SLC60A2: variants seen among roughly 807,000 people sequenced by gnomAD.
SLC60A2 encodes the protein solute carrier family 60 member 2.
the SLC60A2 span, among the ~76,000 whole-genome samples, chr6:111,279,018 A>T: frequency 6.6e-6 from 1 of 152,226 alleles, no homozygotes; most frequent in Non-Finnish European, 1.5e-5. Flanking sequence ...ACTGATGCCC[A>T]GCATTTTAAC....
chr6:111,266,050 A>G, the SLC60A2 span: 1 of 1,614,214 alleles, frequency 6.2e-7, no homozygotes, highest in South Asian at 1.1e-5. Flanking sequence ...CCTGCACTCA[A>G]CCAATCATCT....
At chr6:111,265,860 C>A in the SLC60A2 span, 1 of 1,550,324 alleles carries the variant, frequency 6.5e-7, no homozygotes, top group Non-Finnish European at 8.7e-7. Context: ...TAATTTTTCC[C>A]ATCTTTCATC....
the SLC60A2 span, among the ~76,000 whole-genome samples, chr6:111,271,821 C>G: frequency 1.1e-3 from 63 of 56,038 alleles, no homozygotes; most frequent in African/African-American, 2.3e-3. Flanking sequence ...AAATAGTTAG[C>G]CAGGTGTGGT....
chr6:111,261,605 T>C, the SLC60A2 span, among the ~76,000 whole-genome samples: 1 of 152,142 alleles, frequency 6.6e-6, no homozygotes, highest in East Asian at 1.9e-4. Flanking sequence ...ATTAATTTAT[T>C]CTTTCTGAGA....
At chr6:111,267,382 T>C in the SLC60A2 span, 1 of 343,080 alleles carries the variant, frequency 2.9e-6, no homozygotes, top group Non-Finnish European at 5.3e-6. Flanking sequence ...TTTTATGGTC[T>C]CCACCCCTCA....
the SLC60A2 span, among the ~76,000 whole-genome samples, chr6:111,261,045 T>G: frequency 6.6e-6 from 1 of 152,348 alleles, no homozygotes; most frequent in South Asian, 2.1e-4. Context: ...TCCAATGAAT[T>G]TCCTCTGAAA....
the SLC60A2 span, chr6:111,266,092 C>T: frequency 1.2e-6 from 2 of 1,613,960 alleles, no homozygotes; most frequent in South Asian, 2.2e-5. Context: ...TTTGGAGTAC[C>T]TAATGATAAG....
the SLC60A2 span, chr6:111,267,107 G>C: frequency 6.2e-7 from 1 of 1,607,070 alleles, no homozygotes; most frequent in Non-Finnish European, 8.5e-7. Context: ...GGACAAAAGG[G>C]ACTAACGTTT....
At chr6:111,271,430 A>C in the SLC60A2 span, among the ~76,000 whole-genome samples, 1 of 152,222 alleles carries the variant, frequency 6.6e-6, no homozygotes, top group East Asian at 1.9e-4. Context: ...AAGTTCTTAC[A>C]TTTCTCAAAT....
the SLC60A2 span, among the ~76,000 whole-genome samples, chr6:111,261,855 G>A: frequency 1.5e-4 from 23 of 152,128 alleles, no homozygotes; most frequent in African/African-American, 5.1e-4. Context: ...GCCTCCCAAA[G>A]TGCTGAGATT....
At chr6:111,277,068 C>T in the SLC60A2 span, among the ~76,000 whole-genome samples, 3 of 152,230 alleles carry the variant, frequency 2.0e-5, no homozygotes, top group South Asian at 2.1e-4. Context: ...GATGACATTG[C>T]TCCCATCCAG....
the SLC60A2 span, chr6:111,259,526 C>A: frequency 1.8e-6 from 1 of 560,252 alleles, no homozygotes; most frequent in Non-Finnish European, 3.0e-6. Context: ...ACGACTTCTC[C>A]GGAGCCGCCG....
chr6:111,279,924 A>C, the SLC60A2 span, among the ~76,000 whole-genome samples: 1 of 152,186 alleles, frequency 6.6e-6, no homozygotes, highest in African/African-American at 2.4e-5. Flanking sequence ...ACTCCATCTC[A>C]AACAAAAAAA....
the SLC60A2 span, chr6:111,266,809 G>A: frequency 2.0e-5 from 32 of 1,613,704 alleles, no homozygotes; most frequent in South Asian, 4.4e-5. Context: ...GATCGCCAGC[G>A]AAAAGAAGAC....
the SLC60A2 span, chr6:111,266,407 G>A: frequency 6.2e-7 from 1 of 1,614,186 alleles, no homozygotes. Flanking sequence ...GCAGCCTGCA[G>A]GGGCCTGGCA....
At chr6:111,265,094 A>G in the SLC60A2 span, 1 of 169,362 alleles carries the variant, frequency 5.9e-6, no homozygotes, top group Non-Finnish European at 1.2e-5. Flanking sequence ...CAAACAGAAA[A>G]CCTACTAAAT....
chr6:111,279,932 AAAAT>A, the SLC60A2 span, among the ~76,000 whole-genome samples: 1 of 152,218 alleles, frequency 6.6e-6, no homozygotes, highest in South Asian at 2.1e-4. Context: ...TCAAACAAAA[AAAAT>A]AGACTACTCA....
chr6:111,264,159 GAAT>G, the SLC60A2 span, among the ~76,000 whole-genome samples: 1 of 152,190 alleles, frequency 6.6e-6, no homozygotes, highest in Non-Finnish European at 1.5e-5. Context: ...TGAACTTAAA[GAAT>G]TTTGTTCTAT....
At chr6:111,262,489 A>G in the SLC60A2 span, 8 of 1,467,518 alleles carry the variant, frequency 5.5e-6, no homozygotes, top group Non-Finnish European at 7.6e-6. Flanking sequence ...TGTCTTTGAA[A>G]ATATGAAAAT....
Sources: allele counts gnomAD v4.1 joint callset (sites outside exome capture counted in the v4.1 genomes callset), GRCh38; gene constraint gnomAD v4.1.1; transcripts MANE v1.5; gene names NCBI Gene and HGNC (gene_info 2026-07-23, HGNC 2026-07-21).